The following THSD4 variants were observed in gnomAD, a reference collection of about 807,000 sequenced individuals.
The protein encoded by THSD4 is thrombospondin type-1 domain-containing protein 4.
Under a neutral mutation model 119.0 loss-of-function variants are expected in THSD4, and 69 were observed. That is an observed-to-expected ratio of 0.58 (90% CI 0.48 to 0.71). THSD4 has a LOEUF of 0.71. Ranked by LOEUF, THSD4 falls within the 30% of genes least tolerant of loss-of-function variation. The pLI, the probability that THSD4 is intolerant of heterozygous loss-of-function variation, is 0.00. For missense variants in THSD4, 1,393 were observed against 1,391.1 expected (o/e 1.00, Z -0.02); for synonymous variants, 524 against 540.4 (o/e 0.97, Z 0.42).
intron 7 of THSD4, among the ~76,000 whole-genome samples, chr15:71,635,765 A>G (rs1306083411): frequency 6.6e-6 from 1 of 152,248 alleles, no homozygotes; most frequent in Non-Finnish European, 1.5e-5. Context: ...AGTCACAATC[A>G]TGATATTAAT....
intron 3 of THSD4, among the ~76,000 whole-genome samples, chr15:71,174,295 C>T (rs1021768697): frequency 1.3e-5 from 2 of 152,062 alleles, no homozygotes; most frequent in Admixed American, 6.5e-5. Context: ...GTGCGCGCGC[C>T]GAAGCAGGGC....
chr15:71,369,749 G>C (rs1366102125), intron 6 of THSD4, among the ~76,000 whole-genome samples: 1 of 151,750 alleles, frequency 6.6e-6, no homozygotes, highest in Non-Finnish European at 1.5e-5. Context: ...TTCTCTTTTT[G>C]TTGTGTCTCT....
chr15:71,356,360 T>A (rs759715420), intron 6 of THSD4, among the ~76,000 whole-genome samples: 1 of 152,326 alleles, frequency 6.6e-6, no homozygotes, highest in South Asian at 2.1e-4. Context: ...CTCACACTTA[T>A]GACACACTTA....
intron 8 of THSD4, among the ~76,000 whole-genome samples, chr15:71,668,040 AT>A (rs965732245): frequency 3.3e-5 from 5 of 151,280 alleles, no homozygotes; most frequent in East Asian, 1.9e-4. Flanking sequence ...TATGTTATTG[AT>A]TTTTTTTTAG....
rs115757100 is a variant in THSD4, at chr15:71,389,141, C to T, written c.1016-22546C>T. 1.7e-3 allele frequency among the ~76,000 whole-genome samples: 265 copies of T among 152,216 alleles called. 2 individuals are homozygous for T. Among genetic ancestry groups the T allele is most frequent in the African/African-American group, 6.0e-3 (248 of 41,532 alleles). Reference sequence around the variant, plus strand: ...TAAATTACCCAGTCTTTATCAGCAGCGTGAAAATGGATTAATCCACCATCT... The same window carrying T: ...TAAATTACCCAGTCTTTATCAGCAGTGTGAAAATGGATTAATCCACCATCT... On this transcript the variant is annotated intron_variant, in intron 6 of 17. Transcript: ENST00000261862.
rs150545675 is a variant in THSD4 at position 71,410,953 on chromosome 15, C to T, written c.1016-734C>T. ...ATCCCAGCTACTTGGGAGGCTGAGG[C>T]AGGAGAATCACTTGAACCCGGGAGG... On this transcript the variant is annotated intron_variant, in intron 6 of 17. Transcript: ENST00000261862. 6.1e-3 allele frequency among the ~76,000 whole-genome samples: 931 copies of T among 152,266 alleles called. 5 individuals are homozygous for T. The highest frequency in any genetic ancestry group is 0.021 in the African/African-American group (889 of 41,550).
chr15:71,722,450 G>A (rs938156628), intron 8 of THSD4, among the ~76,000 whole-genome samples: 2 of 152,154 alleles, frequency 1.3e-5, no homozygotes, highest in African/African-American at 4.8e-5. Flanking sequence ...GATTCCTCCT[G>A]TGCTGTCTTT....
Position 71,343,774 on chromosome 15 carries a change from C to T in THSD4, c.1016-67913C>T, listed in dbSNP as rs144110556. Among the ~76,000 whole-genome samples the T allele has an allele frequency of 1.5e-3, 226 of 148,922 alleles. 1 individual carries two copies. The highest frequency in any genetic ancestry group is 5.3e-3 in the African/African-American group (216 of 40,602). ...TCTGTTACCCAGGTTGGAGTGCAGCCGCAAAATGGCTCACTGCAGCCTCAG... is the reference window on the plus strand; with the variant it reads ...TCTGTTACCCAGGTTGGAGTGCAGCTGCAAAATGGCTCACTGCAGCCTCAG... On this transcript the variant is annotated intron_variant, in intron 6 of 17. Transcript: ENST00000261862.
At position 71,780,076 on chromosome 15, in the gene THSD4, G is replaced by A. The variant is rs1285008799; in HGVS notation, c.*2702G>A. 1.3e-5 allele frequency: 2 copies of A among 152,174 alleles called. No homozygotes were observed. The highest frequency in any genetic ancestry group is 4.8e-5 in the African/African-American group (2 of 41,376). The allele number at this position is 152,174 out of a possible 1,614,324, so 9.4% of individuals were successfully genotyped here. On this transcript the variant is annotated 3_prime_UTR_variant, in exon 18 of 18. Coordinates refer to ENST00000261862, the MANE Select transcript of THSD4 (RefSeq NM_024817.3). ...TCCAGTGATAACTTTCCTTGGAGAG[G>A]ATCTAAGAAAAGCCCAGATTTCGGT...
intron 7 of THSD4, among the ~76,000 whole-genome samples, chr15:71,634,783 G>A (rs1375212255): frequency 6.6e-6 from 1 of 152,230 alleles, no homozygotes; most frequent in East Asian, 1.9e-4. Flanking sequence ...GTCATTCCAT[G>A]TACGCCTTAC....
chr15:71,259,539 A>G (rs950723408), intron 6 of THSD4, among the ~76,000 whole-genome samples: 15 of 152,208 alleles, frequency 9.9e-5, no homozygotes, highest in Non-Finnish European at 1.2e-4. Flanking sequence ...ATGTATCCAA[A>G]GTGAGCAACT....
At chr15:71,482,438 C>A (rs2047747271) in intron 7 of THSD4, among the ~76,000 whole-genome samples, 1 of 151,804 alleles carries the variant, frequency 6.6e-6, no homozygotes, top group Non-Finnish European at 1.5e-5. Flanking sequence ...CTACAGGCAC[C>A]TGCCACCACA....
chr15:71,527,935 C>T (rs1165885426), intron 7 of THSD4, among the ~76,000 whole-genome samples: 1 of 152,012 alleles, frequency 6.6e-6, no homozygotes, highest in Non-Finnish European at 1.5e-5. Flanking sequence ...CTGGTGGTCT[C>T]AAACTCCTGG....
intron 7 of THSD4, among the ~76,000 whole-genome samples, chr15:71,610,892 T>C (rs1238688209): frequency 1.3e-5 from 2 of 152,068 alleles, no homozygotes; most frequent in African/African-American, 2.4e-5. Context: ...TGAGTTGAGA[T>C]GTATGTAGAT....
chr15:71,098,348 A>ACTATAGGCCCGTG (rs1422289625), intron 1 of THSD4, among the ~76,000 whole-genome samples: 1 of 82 alleles, frequency 0.012, no homozygotes, highest in Non-Finnish European at 0.042. Context: ...GGCCCGTGCC[A>ACTATAGGCCCGTG]CCACCACCCA....
chr15:71,729,547 A>C (rs1268996327), intron 9 of THSD4: 1 of 152,174 alleles, frequency 6.6e-6, no homozygotes, highest in African/African-American at 2.4e-5. Flanking sequence ...ACCTACACAC[A>C]GTTCTATGTC....
At chr15:71,709,452 C>T (rs772385236) in intron 8 of THSD4, among the ~76,000 whole-genome samples, 8 of 152,158 alleles carry the variant, frequency 5.3e-5, no homozygotes, top group East Asian at 1.9e-4. Context: ...AGGGGCATCA[C>T]GGTTCTGCTC....
intron 7 of THSD4, among the ~76,000 whole-genome samples, chr15:71,466,190 A>C (rs1303812314): frequency 6.6e-6 from 1 of 151,932 alleles, no homozygotes; most frequent in Non-Finnish European, 1.5e-5. Context: ...TCTACTAAAA[A>C]TACAAAAAAA....
At chr15:71,256,860 G>C in intron 6 of THSD4, 145 bp downstream of exon 6, 1 of 672,434 alleles carries the variant, frequency 1.5e-6, no homozygotes. Context: ...GCAAAGAGAA[G>C]CCTGCATGGG....
Sources: allele counts gnomAD v4.1 joint callset (sites outside exome capture counted in the v4.1 genomes callset), GRCh38; gene constraint gnomAD v4.1.1; transcripts MANE v1.5; gene names NCBI Gene and HGNC (gene_info 2026-07-23, HGNC 2026-07-21).